The following UNC80 variants were observed in gnomAD, a reference collection of about 807,000 sequenced individuals.
UNC80 encodes the protein protein unc-80 homolog.
A neutral mutation model predicts 384.6 loss-of-function variants in UNC80; 164 were observed. The ratio of observed to expected loss-of-function variants is 0.43; its 90% CI spans 0.38 to 0.49. The LOEUF (loss-of-function observed/expected upper bound fraction) is 0.49. UNC80 is among the 20% of genes least tolerant of loss of function. The pLI is 0.00. For synonymous variants in UNC80, 1,486 were observed against 1,527.8 expected (o/e 0.97, Z 0.64); for missense variants, 3,330 against 4,143.0 (o/e 0.80, Z 5.39).
chr2:209,865,188 T>G (rs896210898), intron 22 of UNC80, among the ~76,000 whole-genome samples: 1 of 152,028 alleles, frequency 6.6e-6, no homozygotes, highest in Non-Finnish European at 1.5e-5. Context: ...CGAGAGAACC[T>G]GGATACCTTG....
rs754154517 is a variant in UNC80 at position 209,976,205 on chromosome 2, C to T, written c.8674C>T (p.Arg2892Trp). ...CCTCCAGGTGAAGGAGATGGCTCTG[C>T]GGAAGGTGGGAGGCCTGGCCCTTTG... The part of the protein sequence containing the change: ...LSLQVKEMAL[R>W]KVGGLALWDF... The change falls in exon 57 of 65, where the codon CGG (arginine) becomes TGG (tryptophan). Residue 2892 changes from arginine (R) to tryptophan (W), a missense_variant. Transcript: ENST00000673920. This position sits in a 1 kb window ranked among gnomAD's most constrained non-coding sequence, Gnocchi z 4.3. 7.1e-6 allele frequency: 11 copies of T among 1,551,598 alleles called. No individual in the cohort carries two copies. The South Asian group carries it at 7.1e-5, about 10-fold the overall frequency.
Position 209,993,345 on chromosome 2 carries a change from A to C in UNC80, c.9427A>C (p.Thr3143Pro). ...LRRPLLSRQK[T>P]QTEPRNRQGA... Reference sequence around the variant, plus strand: ...ACGTCCTCTACTATCACGTCAGAAAACTCAGACTGAACCCAGAAATCGCCA... The same window carrying C: ...ACGTCCTCTACTATCACGTCAGAAACCTCAGACTGAACCCAGAAATCGCCA... Residue 3143 changes from threonine (T) to proline (P), a missense_variant, in exon 63 of 65, where the codon ACT becomes CCT. Around this residue, in one of 8 missense-constraint regions of UNC80, gnomAD observed 236 missense variants for 254.9 expected, o/e 0.93. Coordinates refer to ENST00000673920, the MANE Select transcript of UNC80 (RefSeq NM_001371986.1). 1 of 1,551,920 alleles carries C rather than the reference A, an allele frequency of 6.4e-7. No individual in the cohort carries two copies. The highest frequency in any genetic ancestry group is 8.7e-7 in the Non-Finnish European group (1 of 1,147,012).
intron 21 of UNC80, among the ~76,000 whole-genome samples, chr2:209,844,716 A>G (rs1408600239): frequency 1.3e-5 from 2 of 151,458 alleles, no homozygotes; most frequent in South Asian, 2.1e-4. Context: ...CAGCCTTGCA[A>G]GTAGCTAGGA....
At chr2:209,920,222 C>T (rs80280515) in intron 33 of UNC80, among the ~76,000 whole-genome samples, 6 of 152,218 alleles carry the variant, frequency 3.9e-5, no homozygotes, top group Non-Finnish European at 7.4e-5. Context: ...ACATAGGAAA[C>T]CTTTAGTCTT....
rs1382432236 is a variant in UNC80 at position 209,904,757 on chromosome 2, T to G, written c.4582-8T>G. The G allele has an allele frequency of 6.4e-7, 1 of 1,551,780 alleles. No homozygotes were observed. Among genetic ancestry groups the G allele is most frequent in the Admixed American group, 2.0e-5 (1 of 51,008 alleles). On this transcript the variant is annotated splice_region_variant and splice_polypyrimidine_tract_variant and intron_variant, in intron 28 of 64. Transcript: ENST00000673920. Reference sequence around the variant, plus strand: ...CCTGGCTGAGTCTCAGGAATGTTTGTATTCCAGGTGATGATCTTGCTGTGC... The same window carrying G: ...CCTGGCTGAGTCTCAGGAATGTTTGGATTCCAGGTGATGATCTTGCTGTGC...
rs371399930 is a variant in UNC80, at chr2:209,777,248, T to C, written c.299-10T>C. On this transcript the variant is annotated splice_polypyrimidine_tract_variant and intron_variant, in intron 3 of 64. Transcript: ENST00000673920. Reference sequence around the variant, plus strand: ...TTTTCTTAACCTGCCTGTGTAATTGTCCCATGCAGGCCACCAGGATAAATT... The same window carrying C: ...TTTTCTTAACCTGCCTGTGTAATTGCCCCATGCAGGCCACCAGGATAAATT... 8 of 1,569,500 alleles carry C rather than the reference T, an allele frequency of 5.1e-6. No individual in the cohort carries two copies. Among genetic ancestry groups the C allele is most frequent in the Non-Finnish European group, 6.9e-6 (8 of 1,160,968 alleles).
intron 31 of UNC80, among the ~76,000 whole-genome samples, chr2:209,916,022 ATAAATTT>A (rs956678207): frequency 2.2e-4 from 34 of 152,248 alleles, no homozygotes; most frequent in African/African-American, 8.0e-4. Flanking sequence ...TATTTTTAAA[ATAAATTT>A]TTAATTTTTT....
chr2:209,809,418 C>T (rs2079171356), intron 7 of UNC80: 3 of 1,429,858 alleles, frequency 2.1e-6, no homozygotes, highest in Admixed American at 1.7e-5. Context: ...TCTCCTGTAC[C>T]CACTGCAGCC....
intron 36 of UNC80, 36 bp downstream of exon 36, chr2:209,927,022 C>G: frequency 6.5e-7 from 1 of 1,547,904 alleles, no homozygotes; most frequent in Non-Finnish European, 8.7e-7. Context: ...CAGTGACATT[C>G]TTAAGCTGTT....
At chr2:209,801,663 G>A in intron 7 of UNC80, among the ~76,000 whole-genome samples, 1 of 142,092 alleles carries the variant, frequency 7.0e-6, no homozygotes, top group Admixed American at 7.2e-5. Context: ...TTACAGGTGT[G>A]ATCTACCATG....
At chr2:209,866,525 C>G (rs866111690) in intron 22 of UNC80, among the ~76,000 whole-genome samples, 2 of 110,212 alleles carry the variant, frequency 1.8e-5, no homozygotes, top group Admixed American at 9.5e-5. Context: ...CACACACACA[C>G]ACACACACAG....
Position 209,976,317 on chromosome 2 carries a change from T to A in UNC80, c.8772+14T>A, listed in dbSNP as rs941147958. On this transcript the variant is annotated intron_variant, in intron 57 of 64. Coordinates refer to ENST00000673920, the MANE Select transcript of UNC80 (RefSeq NM_001371986.1). The surrounding 1 kb of genome is among the most constrained non-coding windows in gnomAD (Gnocchi z 4.3). ...ATCCAGTGCAAGGTGTGGTGTGTGC[T>A]TCTCCTCCTGAAAGTGGCAAGCTCA... 1 of 1,551,736 alleles carries A rather than the reference T, an allele frequency of 6.4e-7. No homozygotes were observed. Among genetic ancestry groups the A allele is most frequent in the Non-Finnish European group, 8.7e-7 (1 of 1,146,998 alleles).
At chr2:209,964,727 C>T (rs981528254) in intron 51 of UNC80, among the ~76,000 whole-genome samples, 1 of 146,544 alleles carries the variant, frequency 6.8e-6, no homozygotes, top group Admixed American at 6.9e-5. Context: ...GCAGAGGTTG[C>T]AGTGAGCCGA....
chr2:209,845,899 T>C (rs2082131440), intron 21 of UNC80, among the ~76,000 whole-genome samples: 1 of 152,164 alleles, frequency 6.6e-6, no homozygotes, highest in East Asian at 1.9e-4. Context: ...TTGAGCCTGC[T>C]TTTTTCCTTA....
At chr2:209,905,593 T>C (rs1201610529) in intron 29 of UNC80, among the ~76,000 whole-genome samples, 2 of 152,130 alleles carry the variant, frequency 1.3e-5, no homozygotes, top group African/African-American at 2.4e-5. Flanking sequence ...ACCTCCAGAA[T>C]TGTAAAATAA....
intron 21 of UNC80, among the ~76,000 whole-genome samples, chr2:209,844,539 C>A (rs1017697246): frequency 5.0e-4 from 61 of 122,642 alleles, no homozygotes; most frequent in African/African-American, 1.8e-3. Flanking sequence ...TTCCTTCCTT[C>A]CTTCCTTCCT....
Position 209,772,442 on chromosome 2 carries a change from A to G in UNC80, c.92+278A>G, listed in dbSNP as rs1321160260. On this transcript the variant is annotated intron_variant, in intron 1 of 64. Coordinates refer to ENST00000673920, the MANE Select transcript of UNC80 (RefSeq NM_001371986.1). The stretch of plus-strand genomic sequence containing the variant: ...GGGGTGGGAGGGCAGAGAGCCTGGG[A>G]AGAGGGGGCGGGGAGCTAGATAATT... 3.3e-5 allele frequency among the ~76,000 whole-genome samples: 5 copies of G among 152,114 alleles called. No homozygotes were observed. The South Asian group carries it at 1.0e-3, about 32-fold the overall frequency.
At chr2:209,811,050 A>G (rs2079312868) in intron 7 of UNC80, among the ~76,000 whole-genome samples, 1 of 152,086 alleles carries the variant, frequency 6.6e-6, no homozygotes, top group Non-Finnish European at 1.5e-5. Flanking sequence ...TGGGTGGGCG[A>G]AGGGAGAGCA....
At chr2:209,778,346 A>G (rs998830250) in intron 4 of UNC80, among the ~76,000 whole-genome samples, 16 of 152,184 alleles carry the variant, frequency 1.1e-4, no homozygotes, top group African/African-American at 3.4e-4. Context: ...GCTGCAGTCA[A>G]CCTAGATCGT....
Sources: gnomAD v4.1 joint callset for allele counts (sites outside exome capture counted in the v4.1 genomes callset) on GRCh38, gnomAD v4.1.1 for gene constraint, gnomAD v4.1.1 regional missense constraint, Gnocchi (gnomAD v3.1) non-coding constraint, MANE v1.5 for transcripts, NCBI Gene and HGNC (gene_info 2026-07-23, HGNC 2026-07-21) for gene names.